The following KAZN variants were observed in gnomAD, a reference collection of about 807,000 sequenced individuals.
KAZN encodes kazrin, periplakin interacting protein.
Under a neutral mutation model 87.4 loss-of-function variants are expected in KAZN, and 40 were observed. That is an observed-to-expected ratio of 0.46 (90% CI 0.36 to 0.60). The LOEUF (loss-of-function observed/expected upper bound fraction) is 0.60, where lower values mean the gene tolerates loss of function less well. Among genes scored for constraint, KAZN ranks in the 20% least tolerant of loss-of-function variants. KAZN has a pLI of 0.00. For synonymous variants in KAZN, 466 were observed against 458.3 expected (o/e 1.02, Z -0.22); for missense variants, 898 against 1,073.9 (o/e 0.84, Z 2.29).
chr1:14,326,187 T>C (rs775070161), intron 2 of KAZN, among the ~76,000 whole-genome samples: 5 of 152,146 alleles, frequency 3.3e-5, no homozygotes, highest in African/African-American at 4.8e-5. Context: ...ATCTCTCATG[T>C]CTGCCCCCTA....
intron 1 of KAZN, among the ~76,000 whole-genome samples, chr1:14,709,187 C>T (rs979385149): frequency 7.9e-5 from 12 of 152,242 alleles, no homozygotes; most frequent in African/African-American, 2.9e-4. Flanking sequence ...CAAAGGCACA[C>T]ACCAGCAAAT....
chr1:14,396,537 G>T (rs1022173948), intron 2 of KAZN, among the ~76,000 whole-genome samples: 4 of 152,230 alleles, frequency 2.6e-5, no homozygotes, highest in African/African-American at 7.2e-5. Flanking sequence ...TAACACGTGA[G>T]AATTTTCCAA....
At chr1:14,032,637 A>G (rs972186593) in intron 1 of KAZN, among the ~76,000 whole-genome samples, 6 of 152,118 alleles carry the variant, frequency 3.9e-5, no homozygotes, top group Non-Finnish European at 8.8e-5. Flanking sequence ...TACCAGAGTG[A>G]TTGTTCTGAA....
At position 14,197,864 on chromosome 1, in the gene KAZN, T is replaced by C. The variant is rs78413608; in HGVS notation, c.249+17272T>C. ...GCGTTCTAAAAAACAAGTTGATATGTGGAGTTGAGGAGCCAGGAGAAGCAG... is the reference window on the plus strand; with the variant it reads ...GCGTTCTAAAAAACAAGTTGATATGCGGAGTTGAGGAGCCAGGAGAAGCAG... On this transcript the variant is annotated intron_variant, in intron 2 of 16. Coordinates refer to the KAZN transcript ENST00000636203. Among the ~76,000 whole-genome samples, 100 of 152,150 alleles carry C rather than the reference T, an allele frequency of 6.6e-4. 1 individual carries two copies. In the East Asian group the frequency reaches 0.018, roughly 27 times the overall value.
At chr1:14,649,827 A>G (rs538941098) in intron 1 of KAZN, among the ~76,000 whole-genome samples, 7 of 152,246 alleles carry the variant, frequency 4.6e-5, no homozygotes, top group African/African-American at 1.4e-4. Flanking sequence ...TAATCCAAGA[A>G]TATTTGGTAC....
intron 1 of KAZN, among the ~76,000 whole-genome samples, chr1:14,952,080 A>C (rs991122044): frequency 5.9e-5 from 9 of 152,172 alleles, no homozygotes; most frequent in Non-Finnish European, 1.3e-4. Flanking sequence ...GTCATCCAGC[A>C]CATGGCATCC....
chr1:14,127,100 C>T (rs1362166813), intron 1 of KAZN, among the ~76,000 whole-genome samples: 2 of 101,908 alleles, frequency 2.0e-5, no homozygotes, highest in African/African-American at 9.5e-5. Context: ...AATGCGACTC[C>T]ATCTCAAACA....
At chr1:14,937,579 G>T (rs1660599139) in intron 1 of KAZN, among the ~76,000 whole-genome samples, 1 of 152,214 alleles carries the variant, frequency 6.6e-6, no homozygotes, top group Admixed American at 6.5e-5. Flanking sequence ...TGGGGCCTGG[G>T]TGGGGTTGAC....
At chr1:14,403,768 G>C (rs927085858) in intron 2 of KAZN, among the ~76,000 whole-genome samples, 1 of 152,212 alleles carries the variant, frequency 6.6e-6, no homozygotes, top group Non-Finnish European at 1.5e-5. Flanking sequence ...AGTATCAAGT[G>C]TTGGTGAAAA....
chr1:15,114,787 G>C lies in KAZN; in HGVS notation c.*152G>C, dbSNP rs1469567321. 1.4e-6 allele frequency: 1 copy of C among 694,024 alleles called. No individual in the cohort carries two copies. The highest frequency in any genetic ancestry group is 1.8e-5 in the African/African-American group (1 of 55,524). The allele number at this position is 694,024 out of a possible 1,614,324, so 43.0% of individuals were successfully genotyped here. On this transcript the variant is annotated 3_prime_UTR_variant, in exon 15 of 15. Coordinates refer to ENST00000376030, the MANE Select transcript of KAZN (RefSeq NM_201628.3). ...AATCCCGATGGACTCTGCGGTTTCAGCTCCACAGCGCCCAGGAGAGAGAAG... is the reference window on the plus strand; with the variant it reads ...AATCCCGATGGACTCTGCGGTTTCACCTCCACAGCGCCCAGGAGAGAGAAG...
chr1:14,778,818 G>C (rs72636659), intron 1 of KAZN, among the ~76,000 whole-genome samples: 17 of 152,172 alleles, frequency 1.1e-4, no homozygotes, highest in Admixed American at 1.0e-3. Context: ...CAAGAATTCT[G>C]GTAAAGCTGG....
At chr1:15,098,919 G>GC (rs1177363731) in intron 10 of KAZN, among the ~76,000 whole-genome samples, 1 of 152,208 alleles carries the variant, frequency 6.6e-6, no homozygotes, top group Admixed American at 6.5e-5. Context: ...ACCCCACCCT[G>GC]CCCCCCAGGA....
At chr1:14,750,424 C>T (rs540060131) in intron 1 of KAZN, among the ~76,000 whole-genome samples, 3 of 152,162 alleles carry the variant, frequency 2.0e-5, no homozygotes, top group South Asian at 2.1e-4. Flanking sequence ...CGAAGTTTTA[C>T]GTGCTCCCTA....
In KAZN at chr1:15,114,791, C is replaced by A; in HGVS notation, c.*156C>A. On this transcript the variant is annotated 3_prime_UTR_variant, in exon 15 of 15. Coordinates refer to ENST00000376030, the MANE Select transcript of KAZN (RefSeq NM_201628.3). Reference sequence around the variant, plus strand: ...CCGATGGACTCTGCGGTTTCAGCTCCACAGCGCCCAGGAGAGAGAAGACAC... The same window carrying A: ...CCGATGGACTCTGCGGTTTCAGCTCAACAGCGCCCAGGAGAGAGAAGACAC... The A allele has an allele frequency of 1.4e-6, 1 of 691,334 alleles. No homozygotes were observed. The allele number at this position is 691,334 out of a possible 1,614,324, so 42.8% of individuals were successfully genotyped here.
chr1:13,951,352 G>A (rs1401779379), intron 1 of KAZN, among the ~76,000 whole-genome samples: 1 of 152,086 alleles, frequency 6.6e-6, no homozygotes, highest in Non-Finnish European at 1.5e-5. Context: ...TGGGGATAAG[G>A]GTAGATGAGG....
rs141644826 is a variant in KAZN at position 14,890,729 on chromosome 1, G to A, written c.227-69955G>A. ...TTTAATCTAGAGCTGGGGTCTTGCC[G>A]TGTTGCCCAGGCAGGTCTCAAACTC... On this transcript the variant is annotated intron_variant, in intron 1 of 14. Coordinates refer to ENST00000376030, the MANE Select transcript of KAZN (RefSeq NM_201628.3). Among the ~76,000 whole-genome samples, 550 of 151,676 alleles carry A rather than the reference G, an allele frequency of 3.6e-3. 1 individual carries two copies. The highest frequency in any genetic ancestry group is 0.013 in the African/African-American group (534 of 41,368).
intron 8 of KAZN, among the ~76,000 whole-genome samples, chr1:15,079,940 T>C (rs531003329): frequency 6.6e-6 from 1 of 152,366 alleles, no homozygotes; most frequent in South Asian, 2.1e-4. Flanking sequence ...TGTCATTGGA[T>C]AACTATGTGT....
chr1:14,279,613 C>A (rs551698566), intron 2 of KAZN, among the ~76,000 whole-genome samples: 1 of 152,304 alleles, frequency 6.6e-6, no homozygotes, highest in African/African-American at 2.4e-5. Flanking sequence ...TGAGTATGAA[C>A]AAATCATTTT....
At chr1:13,988,311 TCGGGG>T (rs1639117369) in intron 1 of KAZN, among the ~76,000 whole-genome samples, 1 of 152,158 alleles carries the variant, frequency 6.6e-6, no homozygotes, top group Non-Finnish European at 1.5e-5. Flanking sequence ...TGCTATATAG[TCGGGG>T]TAAATAATGT....
Sources: gnomAD v4.1 joint callset for allele counts (sites outside exome capture counted in the v4.1 genomes callset) on GRCh38, gnomAD v4.1.1 for gene constraint, MANE v1.5 for transcripts, NCBI Gene and HGNC (gene_info 2026-07-23, HGNC 2026-07-21) for gene names.